Variants in CABLES2 observed in about 807,000 individuals in gnomAD.
The protein encoded by CABLES2 is Cdk5 and Abl enzyme substrate 2.
CABLES2 carries 35 observed loss-of-function variants against 44.8 expected under a neutral mutation model. That is an observed-to-expected ratio of 0.78 (90% CI 0.60 to 1.04). CABLES2 has a LOEUF of 1.04. Among genes scored for constraint, CABLES2 ranks in the 50% least tolerant of loss-of-function variants. CABLES2 has a pLI of 0.00. For missense variants in CABLES2, 566 were observed against 615.7 expected, an observed-to-expected ratio of 0.92 and a Z score of 0.85; for synonymous variants, 282 against 281.1, an observed-to-expected ratio of 1.00 and a Z score of -0.03.
chr20:62,390,903 G>C lies in CABLES2; in HGVS notation c.*68C>G. On this transcript the variant is annotated 3_prime_UTR_variant, in exon 10 of 10. Transcript: ENST00000279101. ...GGGTGCTGGCAGGAGGAGGCGCGGG[G>C]CTTCAGTGGGACACCTCCCAGGCCG... The C allele has an allele frequency of 6.3e-7, 1 of 1,587,502 alleles. No individual in the cohort carries two copies. The highest frequency in any genetic ancestry group is 8.6e-7 in the Non-Finnish European group (1 of 1,159,600).
Position 62,391,710 on chromosome 20 carries a change from T to C in CABLES2, c.1092-257A>G, listed in dbSNP as rs1306008358. ...ACCCATGGCAGCTCCCACCTGTGCC[T>C]GGTGGGTGGAGCCACAGAGGACAGG... On this transcript the variant is annotated intron_variant, in intron 8 of 9. Transcript: ENST00000279101. The surrounding 1 kb of genome is among the most constrained non-coding windows in gnomAD (Gnocchi z 5.7). 1.3e-5 allele frequency among the ~76,000 whole-genome samples: 2 copies of C among 149,320 alleles called. No homozygotes were observed. The highest frequency in any genetic ancestry group is 6.7e-5 in the Admixed American group (1 of 14,864).
chr20:62,396,734 G>A lies in CABLES2; in HGVS notation c.363-142C>T, dbSNP rs559098650. On this transcript the variant is annotated intron_variant, in intron 1 of 9. Coordinates refer to ENST00000279101, the MANE Select transcript of CABLES2 (RefSeq NM_031215.3). The surrounding 1 kb of genome is among the most constrained non-coding windows in gnomAD (Gnocchi z 5.7). ...ACCCATGGGCCGAGGGGCTTCCAGAGCCCATGCAGACTGAGGCGGGGAGGA... is the reference window on the plus strand; with the variant it reads ...ACCCATGGGCCGAGGGGCTTCCAGAACCCATGCAGACTGAGGCGGGGAGGA... The A allele has an allele frequency of 1.2e-5, 10 of 813,338 alleles. No individual in the cohort carries two copies. Among genetic ancestry groups the A allele is most frequent in the African/African-American group, 1.0e-4 (6 of 58,444 alleles). The allele number at this position is 813,338 out of a possible 1,614,324, so 50.4% of individuals were successfully genotyped here.
In CABLES2 at chr20:62,396,484, CG is replaced by C; in HGVS notation, c.434+36del. 1 of 1,613,132 alleles carries C rather than the reference CG, an allele frequency of 6.2e-7. No homozygotes were observed. The highest frequency in any genetic ancestry group is 8.5e-7 in the Non-Finnish European group (1 of 1,179,298). On this transcript the variant is annotated intron_variant, in intron 2 of 9. Coordinates refer to ENST00000279101, the MANE Select transcript of CABLES2 (RefSeq NM_031215.3). The surrounding 1 kb of genome is among the most constrained non-coding windows in gnomAD (Gnocchi z 5.7). The stretch of plus-strand genomic sequence containing the variant: ...CCGCAGGGGTCAGTGGCAGCCCGAG[CG>C]GAGTCGTAGAGCTCGGGGCGGACGG...
At chr20:62,398,772 A>G (rs1338398363) in intron 1 of CABLES2, among the ~76,000 whole-genome samples, 1 of 152,168 alleles carries the variant, frequency 6.6e-6, no homozygotes, top group Non-Finnish European at 1.5e-5. Context: ...GGTGGGTGCC[A>G]CCTGTGCCAG....
chr20:62,396,556 A>C lies in CABLES2; in HGVS notation c.399T>G (p.Phe133Leu). 1 of 1,613,638 alleles carries C rather than the reference A, an allele frequency of 6.2e-7. No individual in the cohort carries two copies. The highest frequency in any genetic ancestry group is 8.5e-7 in the Non-Finnish European group (1 of 1,179,898). ...GAGCGCATCCCACGGCATCTTCCAGAAACTCCAGGGAGCAGCGCTGGGACG... is the reference window on the plus strand; with the variant it reads ...GAGCGCATCCCACGGCATCTTCCAGCAACTCCAGGGAGCAGCGCTGGGACG... ...RVTSQRCSLEFLEDAVGCAPA... is the reference protein window; with the variant it reads ...RVTSQRCSLELLEDAVGCAPA... Residue 133 changes from phenylalanine to leucine, a missense_variant, in exon 2 of 10, where the codon TTT (phenylalanine) becomes TTG (leucine). Coordinates refer to ENST00000279101, the MANE Select transcript of CABLES2 (RefSeq NM_031215.3). The surrounding 1 kb of genome is among the most constrained non-coding windows in gnomAD (Gnocchi z 5.7).
chr20:62,395,861 G>A (rs929397489), intron 3 of CABLES2, among the ~76,000 whole-genome samples: 6 of 152,194 alleles, frequency 3.9e-5, no homozygotes, highest in East Asian at 1.9e-4. Context: ...CAGCCCCTGC[G>A]GCCTCCCCGA....
chr20:62,398,269 G>GAT (rs1473396787), intron 1 of CABLES2, among the ~76,000 whole-genome samples: 1 of 131,132 alleles, frequency 7.6e-6, no homozygotes. Flanking sequence ...TGATGGTGAT[G>GAT]GCGGTGGTGG....
chr20:62,401,294 C>T (rs1988183178), intron 1 of CABLES2, among the ~76,000 whole-genome samples: 1 of 152,254 alleles, frequency 6.6e-6, no homozygotes, highest in Admixed American at 6.5e-5. Flanking sequence ...CCGCTTTGGC[C>T]TTCCCTTCCC....
At chr20:62,400,663 G>A (rs1468319637) in intron 1 of CABLES2, among the ~76,000 whole-genome samples, 1 of 152,148 alleles carries the variant, frequency 6.6e-6, no homozygotes, top group Admixed American at 6.5e-5. Context: ...GACTTCATTT[G>A]GAGGCCCGTG....
At chr20:62,393,805 G>A (rs1269176686) in intron 5 of CABLES2, among the ~76,000 whole-genome samples, 200 bp from the exon 6 acceptor site, 1 of 152,202 alleles carries the variant, frequency 6.6e-6, no homozygotes, top group Non-Finnish European at 1.5e-5. Context: ...GAACACTACT[G>A]TGCTTTATCT....
intron 3 of CABLES2, 50 bp from the exon 4 acceptor site, chr20:62,395,064 G>T (rs1987993555): frequency 7.2e-7 from 1 of 1,395,734 alleles, no homozygotes; most frequent in South Asian, 1.2e-5. Flanking sequence ...CGGGGCTCAA[G>T]GTACTGCTGC....
Position 62,406,938 on chromosome 20 carries a change from G to A in CABLES2, c.339C>T (p.Leu113=). 1.6e-6 allele frequency: 2 copies of A among 1,217,046 alleles called. No homozygotes were observed. Among genetic ancestry groups the A allele is most frequent in the Non-Finnish European group, 2.0e-6 (2 of 977,896 alleles). 75.4% of individuals were successfully genotyped at this position (1,217,046 alleles called of 1,614,324 possible). A position where few individuals can be genotyped will look rare whatever the true frequency, so the allele number is the denominator to read the frequency against. The change falls in exon 1 of 10, where the codon CTC becomes CTT. Residue 113 remains leucine (L), a synonymous_variant. Coordinates refer to ENST00000279101, the MANE Select transcript of CABLES2 (RefSeq NM_031215.3). Reference sequence around the variant, plus strand: ...ACCTCTGGCGCTGCCCATCCAGGCCGAGGCCGGTGGGCACCTGCGTGGGGC... The same window carrying A: ...ACCTCTGGCGCTGCCCATCCAGGCCAAGGCCGGTGGGCACCTGCGTGGGGC... ...LLSPTQVPTG[L]GLDGQRQRKR... is the part of the protein sequence containing the mutation.
chr20:62,397,923 A>ATGGTGGTGGTGGTGATGGCGG (rs1988052304), intron 1 of CABLES2, among the ~76,000 whole-genome samples: 3 of 85,724 alleles, frequency 3.5e-5, no homozygotes, highest in Non-Finnish European at 7.3e-5. Flanking sequence ...GGCAGTGGTG[A>ATGGTGGTGGTGGTGATGGCGG]TGGTGGTGGT....
At chr20:62,398,163 ATGGTGGTAATGGTGG>A (rs1988101466) in intron 1 of CABLES2, among the ~76,000 whole-genome samples, 1 of 50,834 alleles carries the variant, frequency 2.0e-5, no homozygotes, top group Non-Finnish European at 3.4e-5. Flanking sequence ...GGTGACGGTG[ATGGTGGTAATGGTGG>A]TGGTGGTGAT....
chr20:62,398,951 T>C (rs990615728), intron 1 of CABLES2, among the ~76,000 whole-genome samples: 2 of 152,334 alleles, frequency 1.3e-5, no homozygotes, highest in Admixed American at 1.3e-4. Context: ...ATGCTGTCAT[T>C]TTTTTCTTTT....
At chr20:62,397,920 GTGA>G (rs1192254955) in intron 1 of CABLES2, among the ~76,000 whole-genome samples, 6 of 135,718 alleles carry the variant, frequency 4.4e-5, no homozygotes, top group Middle Eastern at 3.7e-3. Flanking sequence ...GATGGCAGTG[GTGA>G]TGGTGGTGGT....
At position 62,401,127 on chromosome 20, in the gene CABLES2, G is replaced by A. The variant is rs182341544; in HGVS notation, c.363-4535C>T. 1.6e-4 allele frequency among the ~76,000 whole-genome samples: 24 copies of A among 152,304 alleles called. No individual in the cohort carries two copies. In the East Asian group the frequency reaches 4.4e-3, roughly 28 times the overall value. ...GGCGCCGCTCCCACTGTGTCAGTTG[G>A]AATGGTGGCCGCTCTCCACTGTCTC... On this transcript the variant is annotated intron_variant, in intron 1 of 9. Coordinates refer to ENST00000279101, the MANE Select transcript of CABLES2 (RefSeq NM_031215.3).
At position 62,389,226 on chromosome 20, in the gene CABLES2, T is replaced by C. The variant is rs938280848; in HGVS notation, c.*1745A>G. ...GAGGAAAGCTGCCTGGGACCCAGCA[T>C]GGTGGAGCAGCTTTGAAGCTGAGTC... On this transcript the variant is annotated 3_prime_UTR_variant, in exon 10 of 10. Coordinates refer to ENST00000279101, the MANE Select transcript of CABLES2 (RefSeq NM_031215.3). The C allele has an allele frequency of 1.3e-5, 2 of 152,440 alleles. No homozygotes were observed. Among genetic ancestry groups the C allele is most frequent in the African/African-American group, 2.4e-5 (1 of 41,450 alleles). The allele number at this position is 152,440 out of a possible 1,614,324, so 9.4% of individuals were successfully genotyped here. A position where few individuals can be genotyped will look rare whatever the true frequency, so the allele number is the denominator to read the frequency against.
chr20:62,390,170 G>A lies in CABLES2; in HGVS notation c.*801C>T, dbSNP rs1219959321. 1 of 152,532 alleles carries A rather than the reference G, an allele frequency of 6.6e-6. No homozygotes were observed. The highest frequency in any genetic ancestry group is 6.5e-5 in the Admixed American group (1 of 15,282). 9.4% of individuals were successfully genotyped at this position (152,532 alleles called of 1,614,324 possible). On this transcript the variant is annotated 3_prime_UTR_variant, in exon 10 of 10. Coordinates refer to ENST00000279101, the MANE Select transcript of CABLES2 (RefSeq NM_031215.3). ...GCAGCAATTGTCCTGGAGGCCCAGA[G>A]TGTCTCCTGGTGAGAGGCAGAGGGT...
Sources: allele counts gnomAD v4.1 joint callset (sites outside exome capture counted in the v4.1 genomes callset), GRCh38; gene constraint gnomAD v4.1.1; non-coding constraint Gnocchi (gnomAD v3.1); transcripts MANE v1.5; gene names NCBI Gene and HGNC (gene_info 2026-07-23, HGNC 2026-07-21).